LOC128462377: variants seen among roughly 807,000 people sequenced by gnomAD.
chr16:89,383,773 AG>A, the LOC128462377 span, among the ~76,000 whole-genome samples: 1 of 152,184 alleles, frequency 6.6e-6, no homozygotes, highest in Non-Finnish European at 1.5e-5. Context: ...AAAGCCAAGA[AG>A]GCCCAATGCC....
the LOC128462377 span, among the ~76,000 whole-genome samples, chr16:89,411,699 A>AC: frequency 5.3e-5 from 8 of 152,000 alleles, no homozygotes; most frequent in Non-Finnish European, 1.2e-4. Context: ...CGGCCAGTTT[A>AC]CATTCGGAAC....
At chr16:89,345,038 G>A in the LOC128462377 span, among the ~76,000 whole-genome samples, 3 of 152,174 alleles carry the variant, frequency 2.0e-5, no homozygotes, top group East Asian at 3.8e-4. Flanking sequence ...AGGCCAAGCG[G>A]TGCTCCAGGG....
At chr16:89,413,549 C>A in the LOC128462377 span, among the ~76,000 whole-genome samples, 1 of 152,072 alleles carries the variant, frequency 6.6e-6, no homozygotes, top group Admixed American at 6.6e-5. Context: ...GGCGTGAACC[C>A]GGGAGGCGGA....
the LOC128462377 span, among the ~76,000 whole-genome samples, chr16:89,319,116 G>A: frequency 1.3e-5 from 2 of 152,330 alleles, no homozygotes; most frequent in Admixed American, 6.5e-5. Flanking sequence ...CTCTCAGGAC[G>A]GAAAAACGGG....
the LOC128462377 span, among the ~76,000 whole-genome samples, chr16:89,407,502 C>T: frequency 1.3e-5 from 2 of 152,098 alleles, no homozygotes; most frequent in Non-Finnish European, 2.9e-5. Flanking sequence ...GGCTGTTGCA[C>T]GACAGCCGCA....
the LOC128462377 span, among the ~76,000 whole-genome samples, chr16:89,328,502 G>A: frequency 3.9e-5 from 6 of 152,246 alleles, no homozygotes; most frequent in Admixed American, 1.3e-4. Context: ...CATCCCCTCA[G>A]CAGTAAAAGG....
chr16:89,322,054 T>C, the LOC128462377 span, among the ~76,000 whole-genome samples: 1 of 152,242 alleles, frequency 6.6e-6, no homozygotes, highest in East Asian at 1.9e-4. Context: ...TGTGTGTGAC[T>C]GGCTTTATGT....
At chr16:89,353,350 A>AAAGAGAG in the LOC128462377 span, among the ~76,000 whole-genome samples, 693 of 149,524 alleles carry the variant, frequency 4.6e-3, 3 homozygotes, top group African/African-American at 0.017. Context: ...TCCAAAAAAA[A>AAAGAGAG]AGAGAGAGAG....
At chr16:89,339,522 A>T in the LOC128462377 span, among the ~76,000 whole-genome samples, 1 of 152,228 alleles carries the variant, frequency 6.6e-6, no homozygotes, top group Non-Finnish European at 1.5e-5. Flanking sequence ...CTCTTTCACA[A>T]ACCATTTCGG....
At chr16:89,331,985 C>CA in the LOC128462377 span, among the ~76,000 whole-genome samples, 1 of 151,764 alleles carries the variant, frequency 6.6e-6, no homozygotes, top group East Asian at 1.9e-4. Context: ...ACAAAACATT[C>CA]AAAAAAAATT....
At chr16:89,326,878 C>G in the LOC128462377 span, among the ~76,000 whole-genome samples, 2 of 152,224 alleles carry the variant, frequency 1.3e-5, no homozygotes, top group East Asian at 1.9e-4. Context: ...TGGTGGCATC[C>G]GGGCACATCT....
the LOC128462377 span, chr16:89,392,574 A>G: frequency 1.3e-5 from 2 of 151,846 alleles, no homozygotes; most frequent in African/African-American, 2.4e-5. Flanking sequence ...CAGTTCAAGA[A>G]CATGGTCGTG....
the LOC128462377 span, among the ~76,000 whole-genome samples, chr16:89,366,614 A>C: frequency 6.6e-6 from 1 of 152,192 alleles, no homozygotes; most frequent in Non-Finnish European, 1.5e-5. Flanking sequence ...CTTGTTGAAA[A>C]GGCTGCCATC....
the LOC128462377 span, among the ~76,000 whole-genome samples, chr16:89,396,981 G>T: frequency 1.3e-5 from 2 of 152,062 alleles, no homozygotes; most frequent in Non-Finnish European, 2.9e-5. Flanking sequence ...TGAGCCAGGG[G>T]ACTTGACCAG....
the LOC128462377 span, among the ~76,000 whole-genome samples, chr16:89,385,708 T>C: frequency 1.8e-3 from 274 of 152,330 alleles, 1 homozygote; most frequent in African/African-American, 5.9e-3. Flanking sequence ...TCACGTACAG[T>C]CTGCAAAGAA....
the LOC128462377 span, among the ~76,000 whole-genome samples, chr16:89,342,365 T>A: frequency 6.6e-6 from 1 of 152,220 alleles, no homozygotes; most frequent in African/African-American, 2.4e-5. Flanking sequence ...TCGGAAAACG[T>A]TGAACTCCCC....
At chr16:89,353,605 G>C in the LOC128462377 span, among the ~76,000 whole-genome samples, 2 of 151,968 alleles carry the variant, frequency 1.3e-5, no homozygotes, top group Non-Finnish European at 2.9e-5. Flanking sequence ...AGCCTCCCTA[G>C]TAGCTGGGAT....
chr16:89,328,899 A>G, the LOC128462377 span: 1 of 113,318 alleles, frequency 8.8e-6, no homozygotes, highest in Non-Finnish European at 1.8e-5. Flanking sequence ...ACCCAGGAGC[A>G]CGGGCGAAAT....
chr16:89,348,976 A>G, the LOC128462377 span, among the ~76,000 whole-genome samples: 1 of 151,024 alleles, frequency 6.6e-6, no homozygotes, highest in African/African-American at 2.4e-5. Flanking sequence ...AAAAATACAA[A>G]AACTAGCCAG....
Sources: allele counts gnomAD v4.1 joint callset (sites outside exome capture counted in the v4.1 genomes callset), GRCh38; gene constraint gnomAD v4.1.1; transcripts MANE v1.5.